The following CD96 variants were observed in gnomAD, a reference collection of about 807,000 sequenced individuals.
The protein encoded by CD96 is T-cell surface protein tactile.
Under a neutral mutation model 71.3 loss-of-function variants are expected in CD96, and 70 were observed. The observed-to-expected ratio is 0.98, with a 90% CI of 0.81 to 1.20. CD96 has a LOEUF of 1.20. CD96 is among the 50% of genes most tolerant of loss of function. The pLI is 0.00. For synonymous variants in CD96, 248 were observed against 233.0 expected, an observed-to-expected ratio of 1.06 and a Z score of -0.59; for missense variants, 742 against 677.5, an observed-to-expected ratio of 1.10 and a Z score of -1.06.
intron 12 of CD96, among the ~76,000 whole-genome samples, chr3:111,647,027 G>T (rs1488024444): frequency 6.7e-6 from 1 of 148,748 alleles, no homozygotes; most frequent in Non-Finnish European, 1.5e-5. Flanking sequence ...AGTACATATG[G>T]ACACAAAGAC....
intron 12 of CD96, among the ~76,000 whole-genome samples, chr3:111,643,639 A>G (rs143157267): frequency 1.1e-3 from 167 of 152,238 alleles, no homozygotes; most frequent in African/African-American, 3.9e-3. Flanking sequence ...GTTTCCGAAT[A>G]CAAGATTAAT....
At chr3:111,604,618 C>T (rs1937573313) in intron 7 of CD96, among the ~76,000 whole-genome samples, 1 of 152,184 alleles carries the variant, frequency 6.6e-6, no homozygotes, top group Non-Finnish European at 1.5e-5. Context: ...CTGAACACCT[C>T]AGCTTACAAA....
chr3:111,579,325 G>A lies in CD96; in HGVS notation c.751+91G>A, dbSNP rs755053806. Reference sequence around the variant, plus strand: ...AGGAAGCACCCTATTATGCTGCAGAGCAGCCACATGTGGGTAACAGTGCTG... The same window carrying A: ...AGGAAGCACCCTATTATGCTGCAGAACAGCCACATGTGGGTAACAGTGCTG... On this transcript the variant is annotated intron_variant, in intron 4 of 13. Coordinates refer to ENST00000352690, the MANE Select transcript of CD96 (RefSeq NM_005816.5). 2.4e-5 allele frequency: 19 copies of A among 802,464 alleles called. No individual in the cohort carries two copies. In the South Asian group the frequency reaches 2.6e-4, roughly 11 times the overall value. 49.7% of individuals were successfully genotyped at this position (802,464 alleles called of 1,614,324 possible).
intron 10 of CD96, among the ~76,000 whole-genome samples, chr3:111,628,177 G>A (rs1938872761): frequency 6.6e-6 from 1 of 152,238 alleles, no homozygotes; most frequent in African/African-American, 2.4e-5. Context: ...CTAAGGCTGA[G>A]ATCACTGAAA....
chr3:111,560,044 T>A (rs1476676689), intron 2 of CD96, among the ~76,000 whole-genome samples: 22 of 137,820 alleles, frequency 1.6e-4, no homozygotes, highest in African/African-American at 4.8e-4. Context: ...TGCCTTTTTT[T>A]GTTTTCCATT....
chr3:111,573,480 A>AT (rs1936081006), intron 3 of CD96, among the ~76,000 whole-genome samples: 1 of 152,218 alleles, frequency 6.6e-6, no homozygotes, highest in Admixed American at 6.5e-5. Flanking sequence ...GAGCTGGATA[A>AT]TTAAATAGTT....
chr3:111,624,425 C>T, intron 10 of CD96, 21 bp downstream of exon 10: 2 of 1,421,940 alleles, frequency 1.4e-6, no homozygotes, highest in Non-Finnish European at 2.0e-6. Context: ...ATCGTGGGTC[C>T]CTTGAGTCCT....
At chr3:111,655,570 C>A (rs1348985591), downstream of CD96, among the ~76,000 whole-genome samples, 1 of 152,074 alleles carries the variant, frequency 6.6e-6, no homozygotes, top group Non-Finnish European at 1.5e-5. Context: ...GCAGTAGAGA[C>A]CCTGATATCT....
At chr3:111,658,330 T>C (rs1012891776) in intron 14 of CD96, among the ~76,000 whole-genome samples, 2 of 152,116 alleles carry the variant, frequency 1.3e-5, no homozygotes, top group Admixed American at 1.3e-4. Context: ...GTGATAGCTA[T>C]ATAGATAGGT....
intron 3 of CD96, among the ~76,000 whole-genome samples, chr3:111,575,095 T>G (rs2107572047): frequency 6.6e-6 from 1 of 152,162 alleles, no homozygotes; most frequent in East Asian, 1.9e-4. Context: ...AATCCAGCCC[T>G]TAAGTAGATT....
chr3:111,656,539 A>G (rs893677100), downstream of CD96, among the ~76,000 whole-genome samples: 3 of 152,236 alleles, frequency 2.0e-5, no homozygotes, highest in African/African-American at 7.2e-5. Flanking sequence ...CAACAATATC[A>G]GAATATATAT....
downstream of CD96, among the ~76,000 whole-genome samples, chr3:111,657,064 AC>A (rs1186439014): frequency 2.0e-5 from 3 of 152,068 alleles, no homozygotes; most frequent in Non-Finnish European, 4.4e-5. Flanking sequence ...TTAAATAAAT[AC>A]CATAAGCACA....
At chr3:111,584,258 C>G (rs566521770) in intron 4 of CD96, among the ~76,000 whole-genome samples, 2 of 152,202 alleles carry the variant, frequency 1.3e-5, no homozygotes, top group African/African-American at 4.8e-5. Context: ...TCTGAGACCA[C>G]TTCAGCCTCA....
intron 8 of CD96, among the ~76,000 whole-genome samples, chr3:111,614,886 G>A (rs554195517): frequency 1.2e-4 from 18 of 152,248 alleles, no homozygotes; most frequent in African/African-American, 3.1e-4. Flanking sequence ...GTGAAGGAGC[G>A]GATTCTTCTT....
At chr3:111,551,205 A>C (rs1314081203) in intron 2 of CD96, among the ~76,000 whole-genome samples, 3 of 152,136 alleles carry the variant, frequency 2.0e-5, no homozygotes, top group African/African-American at 7.2e-5. Flanking sequence ...GATTTTGTAG[A>C]TGAGCTATTT....
chr3:111,641,917 T>C (rs968569532), intron 12 of CD96, among the ~76,000 whole-genome samples: 2 of 152,078 alleles, frequency 1.3e-5, no homozygotes, highest in African/African-American at 2.4e-5. Context: ...AAAAATGAAA[T>C]CAAGATGGAA....
At chr3:111,609,379 A>G (rs753930150) in intron 8 of CD96, among the ~76,000 whole-genome samples, 37 of 152,164 alleles carry the variant, frequency 2.4e-4, no homozygotes, top group Non-Finnish European at 5.1e-4. Flanking sequence ...TATTCATCAA[A>G]TATTTATTGA....
At chr3:111,542,386 C>CT in intron 1 of CD96, 77 bp downstream of exon 1, 1 of 549,376 alleles carries the variant, frequency 1.8e-6, no homozygotes, top group Admixed American at 3.1e-5. Context: ...TTTAAAATGC[C>CT]TTGTGACTGC....
At position 111,561,329 on chromosome 3, in the gene CD96, T is replaced by A. The variant is rs902059011; in HGVS notation, c.419-6194T>A. Among the ~76,000 whole-genome samples, 11 of 149,386 alleles carry A rather than the reference T, an allele frequency of 7.4e-5. No individual in the cohort carries two copies. The South Asian group carries it at 1.3e-3, about 18-fold the overall frequency. ...GTTTTTCTGTTCTGTTTTTTCCCCA[T>A]CTTTGTGGTTTTATCTACTTTCGGT... On this transcript the variant is annotated intron_variant, in intron 2 of 13. Transcript: ENST00000352690.
Sources: gnomAD v4.1 joint callset for allele counts (sites outside exome capture counted in the v4.1 genomes callset) on GRCh38, gnomAD v4.1.1 for gene constraint, MANE v1.5 for transcripts, NCBI Gene and HGNC (gene_info 2026-07-23, HGNC 2026-07-21) for gene names.